SKA2: variants seen among roughly 807,000 people sequenced by gnomAD.
SKA2 encodes spindle and kinetochore associated complex subunit 2.
Under a neutral mutation model 16.9 loss-of-function variants are expected in SKA2, and 13 were observed. That is an observed-to-expected ratio of 0.77 (90% CI 0.50 to 1.22). The LOEUF (loss-of-function observed/expected upper bound fraction) is 1.22, where lower values mean the gene tolerates loss of function less well. Among genes scored for constraint, SKA2 ranks in the 50% most tolerant of loss-of-function variants. The pLI is 0.00. For synonymous variants in SKA2, 47 were observed against 48.5 expected, an observed-to-expected ratio of 0.97 and a Z score of 0.13; for missense variants, 107 against 139.7, an observed-to-expected ratio of 0.77 and a Z score of 1.18.
chr17:59,111,980 A>G lies in SKA2; in HGVS notation c.*297T>C. 3.5e-6 allele frequency: 1 copy of G among 289,760 alleles called. No individual in the cohort carries two copies. The highest frequency in any genetic ancestry group is 5.1e-5 in the Admixed American group (1 of 19,518). The allele number at this position is 289,760 out of a possible 1,614,324, so 17.9% of individuals were successfully genotyped here. A position where few individuals can be genotyped will look rare whatever the true frequency, so the allele number is the denominator to read the frequency against. On this transcript the variant is annotated 3_prime_UTR_variant, in exon 4 of 4. Transcript: ENST00000330137. The stretch of plus-strand genomic sequence containing the variant: ...CTTAGAAAAAGAAAACAGATGCAAA[A>G]TAGTGTTGAGAATTTCTGGCCTGAA...
At chr17:59,126,184 G>A (rs112006295) in intron 2 of SKA2, among the ~76,000 whole-genome samples, 1 of 149,538 alleles carries the variant, frequency 6.7e-6, no homozygotes, top group Non-Finnish European at 1.5e-5. Context: ...ATAAATAAAT[G>A]AATAAATAAA....
chr17:59,140,438 A>T (rs1421178346), intron 1 of SKA2, among the ~76,000 whole-genome samples: 1 of 151,894 alleles, frequency 6.6e-6, no homozygotes, highest in Non-Finnish European at 1.5e-5. Flanking sequence ...CATGTTGGCC[A>T]GGCTGGTCTC....
At chr17:59,154,594 T>G (rs925477665) in intron 1 of SKA2, among the ~76,000 whole-genome samples, 3 of 152,150 alleles carry the variant, frequency 2.0e-5, no homozygotes, top group Non-Finnish European at 4.4e-5. Context: ...CAGAAACGGG[T>G]TCCTTGGCCG....
At chr17:59,131,556 A>T (rs2046411949) in intron 1 of SKA2, among the ~76,000 whole-genome samples, 189 bp from the exon 2 acceptor site, 1 of 152,232 alleles carries the variant, frequency 6.6e-6, no homozygotes, top group African/African-American at 2.4e-5. Flanking sequence ...AAAAATTTAA[A>T]AAGTAGTTAA....
chr17:59,127,450 G>A (rs779074315), intron 2 of SKA2, among the ~76,000 whole-genome samples: 3 of 152,014 alleles, frequency 2.0e-5, no homozygotes, highest in Non-Finnish European at 4.4e-5. Flanking sequence ...GTTCAATGGC[G>A]CAATCTGGAC....
At chr17:59,131,748 T>G (rs922589616) in intron 1 of SKA2, among the ~76,000 whole-genome samples, 3 of 152,306 alleles carry the variant, frequency 2.0e-5, no homozygotes, top group Non-Finnish European at 4.4e-5. Context: ...AAAATACACT[T>G]TCAATTTAAA....
intron 1 of SKA2, among the ~76,000 whole-genome samples, chr17:59,137,499 G>A (rs914332477): frequency 3.3e-5 from 5 of 152,228 alleles, no homozygotes; most frequent in African/African-American, 1.2e-4. Context: ...AACCAGCTAT[G>A]TGTCCCTAGG....
chr17:59,151,193 G>A, intron 1 of SKA2: 1 of 511,956 alleles, frequency 2.0e-6, no homozygotes, highest in South Asian at 1.4e-5. Context: ...GTACAGTAGT[G>A]CAATAAAGTC....
chr17:59,115,730 A>G (rs1237772759), intron 3 of SKA2, among the ~76,000 whole-genome samples: 1 of 152,180 alleles, frequency 6.6e-6, no homozygotes, highest in Non-Finnish European at 1.5e-5. Context: ...AGTAGCTGCG[A>G]CTACAGGTGC....
intron 1 of SKA2, among the ~76,000 whole-genome samples, chr17:59,144,273 AG>A (rs2046515207): frequency 6.6e-6 from 1 of 151,718 alleles, no homozygotes; most frequent in Non-Finnish European, 1.5e-5. Context: ...AGTGTTGGAG[AG>A]GATGTGGAGA....
At position 59,110,726 on chromosome 17, in the gene SKA2, T is replaced by C. The variant is rs543028219; in HGVS notation, c.*1551A>G. Reference sequence around the variant, plus strand: ...ACTGCTTGAACCTGGGAGGTGGAGGTTGCAGTGAGCTGAGAGCGTACCACT... The same window carrying C: ...ACTGCTTGAACCTGGGAGGTGGAGGCTGCAGTGAGCTGAGAGCGTACCACT... On this transcript the variant is annotated 3_prime_UTR_variant, in exon 4 of 4. Transcript: ENST00000330137. The C allele has an allele frequency of 2.0e-5, 3 of 147,804 alleles. No individual in the cohort carries two copies. Among genetic ancestry groups the C allele is most frequent in the Non-Finnish European group, 4.4e-5 (3 of 67,570 alleles). 9.2% of individuals were successfully genotyped at this position (147,804 alleles called of 1,614,324 possible).
intron 1 of SKA2, chr17:59,137,877 T>G (rs1177615706): frequency 2.0e-6 from 1 of 496,378 alleles, no homozygotes; most frequent in Non-Finnish European, 4.0e-6. Flanking sequence ...AACAGAATTT[T>G]TTTTAGTTAG....
intron 1 of SKA2, among the ~76,000 whole-genome samples, chr17:59,140,325 T>C (rs1228470660): frequency 6.6e-6 from 1 of 151,494 alleles, no homozygotes; most frequent in African/African-American, 2.4e-5. Flanking sequence ...GCCTCCTGGG[T>C]TCAAGCGATT....
chr17:59,153,194 A>G (rs150937724), intron 1 of SKA2, among the ~76,000 whole-genome samples: 1 of 152,362 alleles, frequency 6.6e-6, no homozygotes, highest in African/African-American at 2.4e-5. Context: ...AGCATCATTT[A>G]GCAGAAATGA....
At chr17:59,125,429 G>A (rs1478754368) in intron 2 of SKA2, among the ~76,000 whole-genome samples, 11 of 151,778 alleles carry the variant, frequency 7.2e-5, no homozygotes, top group Non-Finnish European at 1.3e-4. Context: ...ATGGCTGAGC[G>A]AGGTGGCTCA....
chr17:59,112,020 T>C lies in SKA2; in HGVS notation c.*257A>G, dbSNP rs1213427868. 5 of 353,238 alleles carry C rather than the reference T, an allele frequency of 1.4e-5. No homozygotes were observed. The highest frequency in any genetic ancestry group is 1.1e-4 in the African/African-American group (5 of 46,818). The allele number at this position is 353,238 out of a possible 1,614,324, so 21.9% of individuals were successfully genotyped here. On this transcript the variant is annotated 3_prime_UTR_variant, in exon 4 of 4. Coordinates refer to ENST00000330137, the MANE Select transcript of SKA2 (RefSeq NM_182620.4). The stretch of plus-strand genomic sequence containing the variant: ...TCTGGCCTGAAATTACAAGACTAAG[T>C]GTGTGTGTGCATGCGTGTGTACATA...
chr17:59,123,658 C>T (rs563786914), intron 2 of SKA2, among the ~76,000 whole-genome samples: 23 of 152,186 alleles, frequency 1.5e-4, no homozygotes, highest in Admixed American at 6.6e-4. Flanking sequence ...AAGTGATCCT[C>T]CCACCTCAGC....
intron 1 of SKA2, among the ~76,000 whole-genome samples, chr17:59,152,740 GAAGAT>G (rs2046587006): frequency 6.6e-6 from 1 of 151,642 alleles, no homozygotes; most frequent in Non-Finnish European, 1.5e-5. Context: ...TGGTAAATCT[GAAGAT>G]GAGATGCACT....
At chr17:59,113,340 G>A (rs1392186356) in intron 3 of SKA2, among the ~76,000 whole-genome samples, 1 of 151,554 alleles carries the variant, frequency 6.6e-6, no homozygotes, top group Non-Finnish European at 1.5e-5. Context: ...TGACCAACAT[G>A]GTGAAACCCC....
Sources: gnomAD v4.1 joint callset for allele counts (sites outside exome capture counted in the v4.1 genomes callset) on GRCh38, gnomAD v4.1.1 for gene constraint, MANE v1.5 for transcripts, NCBI Gene and HGNC (gene_info 2026-07-23, HGNC 2026-07-21) for gene names.